The following ITFG1 variants were observed in gnomAD, a reference collection of about 807,000 sequenced individuals.
The protein encoded by ITFG1 is T-cell immunomodulatory protein.
ITFG1 carries 34 observed loss-of-function variants against 81.8 expected under a neutral mutation model. The observed-to-expected ratio is 0.42, with a 90% CI of 0.32 to 0.55. The LOEUF (loss-of-function observed/expected upper bound fraction) is 0.55. ITFG1 is among the 20% of genes least tolerant of loss of function. The pLI is 0.17. For synonymous variants in ITFG1, 285 were observed against 270.6 expected (o/e 1.05, Z -0.52); for missense variants, 672 against 755.4 (o/e 0.89, Z 1.29).
Position 47,336,720 on chromosome 16 carries a change from T to C in ITFG1, c.803-22897A>G, listed in dbSNP as rs147132388. ...GGCTCATGCCTGTAATCCCAGCACT[T>C]TGGGAGGCCGAGGAGGCGGGTCACC... On this transcript the variant is annotated intron_variant, in intron 8 of 17. Coordinates refer to ENST00000320640, the MANE Select transcript of ITFG1 (RefSeq NM_030790.5). Among the ~76,000 whole-genome samples the C allele has an allele frequency of 7.6e-3, 1,150 of 152,126 alleles. 19 individuals carry two copies. Among genetic ancestry groups the C allele is most frequent in the African/African-American group, 0.026 (1,090 of 41,502 alleles).
chr16:47,259,063 G>A (rs1050792813), intron 11 of ITFG1, among the ~76,000 whole-genome samples: 4 of 152,146 alleles, frequency 2.6e-5, no homozygotes, highest in Non-Finnish European at 5.9e-5. Flanking sequence ...CCAACCATCA[G>A]GGGGAGTACC....
intron 6 of ITFG1, among the ~76,000 whole-genome samples, chr16:47,419,384 T>C (rs1461988012): frequency 6.6e-6 from 1 of 152,002 alleles, no homozygotes; most frequent in Non-Finnish European, 1.5e-5. Flanking sequence ...TCCCCCCATC[T>C]CAGCCTCCCA....
chr16:47,379,371 T>A (rs563974219), intron 6 of ITFG1, among the ~76,000 whole-genome samples: 9 of 152,016 alleles, frequency 5.9e-5, no homozygotes, highest in Non-Finnish European at 1.2e-4. Context: ...ATACCAAAAG[T>A]GATCTGAGAA....
At chr16:47,244,901 C>T (rs966238108) in intron 12 of ITFG1, among the ~76,000 whole-genome samples, 2 of 152,078 alleles carry the variant, frequency 1.3e-5, no homozygotes, top group African/African-American at 4.8e-5. Context: ...GGAGATGAGG[C>T]TGCTCAGAGT....
At chr16:47,310,243 G>C (rs1454131385) in intron 10 of ITFG1, among the ~76,000 whole-genome samples, 1 of 152,180 alleles carries the variant, frequency 6.6e-6, no homozygotes, top group Non-Finnish European at 1.5e-5. Context: ...CTAAATATCA[G>C]ATTTCAGGAC....
At chr16:47,454,800 AATCTTG>A (rs1365336478) in intron 2 of ITFG1, among the ~76,000 whole-genome samples, 7 of 152,112 alleles carry the variant, frequency 4.6e-5, no homozygotes, top group Admixed American at 2.0e-4. Flanking sequence ...TATTTATATG[AATCTTG>A]AAAGCTTAAC....
intron 9 of ITFG1, chr16:47,311,947 C>CAACA (rs1967271560): frequency 6.6e-6 from 1 of 152,216 alleles, no homozygotes; most frequent in Admixed American, 6.6e-5. Context: ...TCTTTCCAAA[C>CAACA]AACACCAGGC....
intron 14 of ITFG1, among the ~76,000 whole-genome samples, chr16:47,163,287 A>G (rs1464151685): frequency 6.6e-6 from 1 of 152,184 alleles, no homozygotes; most frequent in African/African-American, 2.4e-5. Flanking sequence ...ATGAGAAGCC[A>G]TGTCTGTTTC....
At chr16:47,186,681 T>C (rs1965222359) in intron 14 of ITFG1, among the ~76,000 whole-genome samples, 1 of 152,310 alleles carries the variant, frequency 6.6e-6, no homozygotes, top group East Asian at 1.9e-4. Context: ...ACTGGAAGCA[T>C]TCCCTTTGAA....
chr16:47,280,700 C>T (rs552103320), intron 10 of ITFG1, among the ~76,000 whole-genome samples: 1 of 152,254 alleles, frequency 6.6e-6, no homozygotes, highest in Admixed American at 6.5e-5. Context: ...TGAGGCCTTT[C>T]ACCAGAAACA....
At chr16:47,183,473 C>G (rs1392459460) in intron 14 of ITFG1, among the ~76,000 whole-genome samples, 1 of 152,220 alleles carries the variant, frequency 6.6e-6, no homozygotes. Flanking sequence ...TCCCTGACCC[C>G]TGACCCCTGA....
chr16:47,185,196 C>T (rs1965194407), intron 14 of ITFG1, among the ~76,000 whole-genome samples: 5 of 152,222 alleles, frequency 3.3e-5, no homozygotes, highest in African/African-American at 9.6e-5. Context: ...TTTAACACCC[C>T]ACTGTCAACA....
At chr16:47,236,361 G>A (rs1965873432) in intron 13 of ITFG1, among the ~76,000 whole-genome samples, 1 of 151,908 alleles carries the variant, frequency 6.6e-6, no homozygotes, top group African/African-American at 2.4e-5. Flanking sequence ...TGTAGTCCCA[G>A]CTACTCGGGA....
At chr16:47,238,757 A>G (rs1448918568) in intron 12 of ITFG1, among the ~76,000 whole-genome samples, 1 of 152,218 alleles carries the variant, frequency 6.6e-6, no homozygotes, top group Admixed American at 6.5e-5. Flanking sequence ...TTTCTTAGTT[A>G]TGAATATTTG....
chr16:47,223,180 G>C (rs1473580558), intron 13 of ITFG1, among the ~76,000 whole-genome samples: 10 of 151,402 alleles, frequency 6.6e-5, no homozygotes, highest in African/African-American at 9.7e-5. Flanking sequence ...CATGGGCAAG[G>C]ACTTCATGTC....
intron 12 of ITFG1, among the ~76,000 whole-genome samples, chr16:47,243,064 C>T (rs559375097): frequency 9.2e-5 from 14 of 152,044 alleles, no homozygotes; most frequent in Non-Finnish European, 1.9e-4. Flanking sequence ...ATTTATCCTA[C>T]AGGATATTCA....
Position 47,460,922 on chromosome 16 carries a change from A to C in ITFG1, c.124T>G (p.Phe42Val). The C allele has an allele frequency of 6.2e-7, 1 of 1,613,036 alleles. No homozygotes were observed. Among genetic ancestry groups the C allele is most frequent in the Non-Finnish European group, 8.5e-7 (1 of 1,179,874 alleles). Reference sequence around the variant, plus strand: ...AGGGTGCCCCAGGCCTCGGCCCCAAAGAGCTCGGCCGTGACGTTGTGCAGC... The same window carrying C: ...AGGGTGCCCCAGGCCTCGGCCCCAACGAGCTCGGCCGTGACGTTGTGCAGC... ...RALHNVTAEL[F>V]GAEAWGTLAA... The change falls in exon 1 of 18, where the codon TTT becomes GTT. Residue 42 changes from phenylalanine (F) to valine (V), a missense_variant. By Grantham distance (50) the Phe-to-Val change is conservative. Coordinates refer to ENST00000320640, the MANE Select transcript of ITFG1 (RefSeq NM_030790.5).
chr16:47,415,467 A>T (rs1460347692), intron 6 of ITFG1, among the ~76,000 whole-genome samples: 1 of 152,180 alleles, frequency 6.6e-6, no homozygotes, highest in Non-Finnish European at 1.5e-5. Flanking sequence ...TATTTGGAAA[A>T]CTGTAGCAGA....
At position 47,366,655 on chromosome 16, in the gene ITFG1, T is replaced by C. The variant is rs902467721; in HGVS notation, c.721-786A>G. Among the ~76,000 whole-genome samples the C allele has an allele frequency of 3.9e-5, 6 of 152,256 alleles. No homozygotes were observed. The South Asian group carries it at 1.2e-3, about 31-fold the overall frequency. ...AATCAAAACAATGAATTTGAAATTC[T>C]GAGCTCTCAGGTTTGTACAGAGTTC... On this transcript the variant is annotated intron_variant, in intron 7 of 17. Transcript: ENST00000320640.
Sources: allele counts gnomAD v4.1 joint callset (sites outside exome capture counted in the v4.1 genomes callset), GRCh38; gene constraint gnomAD v4.1.1; transcripts MANE v1.5; gene names NCBI Gene and HGNC (gene_info 2026-07-23, HGNC 2026-07-21).